The following MSRA variants were observed in gnomAD, a reference collection of about 807,000 sequenced individuals.
The protein encoded by MSRA is mitochondrial peptide methionine sulfoxide reductase.
In MSRA, 54 loss-of-function variants were observed where a neutral mutation model predicts 31.3. That is an observed-to-expected ratio of 1.73 (90% CI 1.39 to 2.17). The LOEUF is 2.17. Among genes scored for constraint, MSRA ranks in the 30% most tolerant of loss-of-function variants. The pLI, the probability that MSRA is intolerant of heterozygous loss-of-function variation, is 0.00. For missense variants in MSRA, 507 were observed against 300.9 expected, an observed-to-expected ratio of 1.69 and a Z score of -5.07; for synonymous variants, 169 against 116.5, an observed-to-expected ratio of 1.45 and a Z score of -2.90.
chr8:10,199,413 G>A (rs1313104484), intron 1 of MSRA, among the ~76,000 whole-genome samples: 3 of 152,066 alleles, frequency 2.0e-5, no homozygotes, highest in Non-Finnish European at 4.4e-5. Context: ...TGCACCTCCC[G>A]GGTTCAAGTG....
Position 10,362,456 on chromosome 8 carries a change from A to G in MSRA, c.543+42467A>G, listed in dbSNP as rs576695381. On this transcript the variant is annotated intron_variant, in intron 5 of 5. Transcript: ENST00000317173. ...AGAAATTCCCACCCAAAGTCATACC[A>G]TAAGCAAAAAAAAAAAAAAAAAAAA... Among the ~76,000 whole-genome samples, 416 of 135,676 alleles carry G rather than the reference A, an allele frequency of 3.1e-3. 3 individuals are homozygous for G. Among genetic ancestry groups the G allele is most frequent in the African/African-American group, 0.011 (381 of 35,602 alleles). 89.0% of individuals were successfully genotyped at this position (135,676 alleles called of 152,430 possible). A position where few individuals can be genotyped will look rare whatever the true frequency, so the allele number is the denominator to read the frequency against.
chr8:10,371,387 G>A (rs535161454), intron 5 of MSRA, among the ~76,000 whole-genome samples: 4 of 152,164 alleles, frequency 2.6e-5, no homozygotes, highest in East Asian at 1.9e-4. Context: ...CCGGCGCCTC[G>A]TTCCGTAGCT....
chr8:10,162,186 G>A (rs1171826975), intron 1 of MSRA, among the ~76,000 whole-genome samples: 2 of 152,164 alleles, frequency 1.3e-5, no homozygotes, highest in African/African-American at 2.4e-5. Flanking sequence ...AGTAACTCCT[G>A]CCACTCTGAG....
At chr8:10,093,785 T>C (rs1053930253) in intron 1 of MSRA, among the ~76,000 whole-genome samples, 2 of 152,236 alleles carry the variant, frequency 1.3e-5, no homozygotes, top group African/African-American at 4.8e-5. Context: ...AAAGTTCCTT[T>C]ATTTCTTGTA....
At chr8:10,260,322 C>T (rs1211105731) in intron 3 of MSRA, among the ~76,000 whole-genome samples, 1 of 152,168 alleles carries the variant, frequency 6.6e-6, no homozygotes, top group Non-Finnish European at 1.5e-5. Context: ...AGGGGCACGG[C>T]ATCCTGGTTA....
chr8:10,186,037 A>G (rs552809102), intron 1 of MSRA, among the ~76,000 whole-genome samples: 2 of 152,264 alleles, frequency 1.3e-5, no homozygotes, highest in South Asian at 4.2e-4. Flanking sequence ...TTTCCACACA[A>G]TACTGCATAC....
At chr8:10,101,741 A>AT (rs1444974895) in intron 1 of MSRA, among the ~76,000 whole-genome samples, 5 of 152,170 alleles carry the variant, frequency 3.3e-5, no homozygotes, top group African/African-American at 1.2e-4. Flanking sequence ...AGGCTGAATA[A>AT]TACTCTATTG....
At chr8:10,405,155 C>G (rs1314726160) in intron 5 of MSRA, among the ~76,000 whole-genome samples, 1 of 152,220 alleles carries the variant, frequency 6.6e-6, no homozygotes, top group East Asian at 1.9e-4. Flanking sequence ...CAAGACATGT[C>G]TATGCCACAG....
At chr8:10,098,103 A>G (rs1799297562) in intron 1 of MSRA, among the ~76,000 whole-genome samples, 2 of 152,150 alleles carry the variant, frequency 1.3e-5, no homozygotes, top group Admixed American at 6.5e-5. Flanking sequence ...TTGTAACATA[A>G]TGCATGCTTC....
chr8:10,072,161 T>G (rs904194713), intron 1 of MSRA, among the ~76,000 whole-genome samples: 40 of 152,092 alleles, frequency 2.6e-4, no homozygotes, highest in Admixed American at 2.6e-4. Context: ...CAGTGAGAGA[T>G]ACGTATTCCA....
chr8:10,284,620 C>A (rs1402023131), intron 3 of MSRA, among the ~76,000 whole-genome samples: 1 of 152,180 alleles, frequency 6.6e-6, no homozygotes, highest in Non-Finnish European at 1.5e-5. Context: ...GAGTCCCCTC[C>A]CTACTTGGAG....
intron 1 of MSRA, among the ~76,000 whole-genome samples, chr8:10,150,120 T>C (rs1803532075): frequency 1.3e-5 from 2 of 151,960 alleles, no homozygotes; most frequent in South Asian, 4.2e-4. Flanking sequence ...GAGAGCTGAC[T>C]GAAAATGCAG....
chr8:10,330,369 C>G (rs62490332), intron 5 of MSRA, among the ~76,000 whole-genome samples: 14,750 of 152,184 alleles, frequency 0.097, 916 homozygotes, highest in South Asian at 0.14. Flanking sequence ...CATGCTATAA[C>G]CATGATAATA....
intron 5 of MSRA, among the ~76,000 whole-genome samples, chr8:10,413,415 C>G (rs1418181126): frequency 5.9e-5 from 9 of 152,240 alleles, no homozygotes; most frequent in South Asian, 2.1e-4. Context: ...ACAGCAGCAG[C>G]AGAAGCAACA....
chr8:10,313,484 AAAAC>A (rs1293062516), intron 4 of MSRA, among the ~76,000 whole-genome samples: 16 of 152,080 alleles, frequency 1.1e-4, no homozygotes, highest in East Asian at 1.9e-4. Context: ...AAAAAAACAA[AAAAC>A]AAACAAACAA....
chr8:10,257,385 G>T (rs2129090738), intron 3 of MSRA, among the ~76,000 whole-genome samples: 1 of 152,302 alleles, frequency 6.6e-6, no homozygotes, highest in Non-Finnish European at 1.5e-5. Flanking sequence ...TACTCTGTGT[G>T]TGTCCATAAA....
At chr8:10,268,709 A>AT (rs1798873191) in intron 3 of MSRA, among the ~76,000 whole-genome samples, 1 of 152,236 alleles carries the variant, frequency 6.6e-6, no homozygotes, top group South Asian at 2.1e-4. Context: ...CCATCATGGG[A>AT]TTTGAATATG....
At chr8:10,421,525 A>G (rs4418343) in intron 5 of MSRA, among the ~76,000 whole-genome samples, 47,319 of 151,466 alleles carry the variant, frequency 0.31, 7,983 homozygotes, top group South Asian at 0.44. Flanking sequence ...TCCATGTAAT[A>G]GGCTGAGACA....
intron 1 of MSRA, among the ~76,000 whole-genome samples, chr8:10,064,134 G>A (rs533112084): frequency 2.0e-4 from 30 of 152,264 alleles, no homozygotes; most frequent in Non-Finnish European, 3.7e-4. Flanking sequence ...TCCTAGCCTG[G>A]TTATAGAAGC....
Sources: allele counts gnomAD v4.1 joint callset (sites outside exome capture counted in the v4.1 genomes callset), GRCh38; gene constraint gnomAD v4.1.1; transcripts MANE v1.5; gene names NCBI Gene and HGNC (gene_info 2026-07-23, HGNC 2026-07-21).